Variants in SGTA observed in about 807,000 individuals in gnomAD.
SGTA encodes small glutamine rich tetratricopeptide repeat co-chaperone alpha, also known as small glutamine-rich tetratricopeptide repeat-containing protein alpha.
In SGTA, 22 loss-of-function variants were observed where a neutral mutation model predicts 44.3. The ratio of observed to expected loss-of-function variants is 0.50; its 90% confidence interval spans 0.36 to 0.71. The LOEUF (loss-of-function observed/expected upper bound fraction) is 0.71. Ranked by LOEUF, SGTA falls within the 30% of genes least tolerant of loss-of-function variation. The pLI is 0.00. For synonymous variants in SGTA, 174 were observed against 177.6 expected (o/e 0.98, Z 0.16); for missense variants, 341 against 435.9 (o/e 0.78, Z 1.94).
chr19:2,773,909 A>G (rs1255740927), intron 1 of SGTA, among the ~76,000 whole-genome samples: 1 of 91,328 alleles, frequency 1.1e-5, no homozygotes, highest in Admixed American at 9.3e-5. Context: ...CTCCGAGGGC[A>G]GAGATGGGTG....
At chr19:2,774,684 C>T (rs1178723916) in intron 1 of SGTA, among the ~76,000 whole-genome samples, 4 of 152,116 alleles carry the variant, frequency 2.6e-5, no homozygotes, top group African/African-American at 4.8e-5. Flanking sequence ...TGTAAAATAC[C>T]TGCCCATGAA....
chr19:2,772,852 T>G (rs201507544), intron 1 of SGTA, among the ~76,000 whole-genome samples: 3 of 92,084 alleles, frequency 3.3e-5, no homozygotes, highest in East Asian at 5.8e-4. Flanking sequence ...CAGAGGTGGG[T>G]GACGCGGCCA....
chr19:2,768,232 C>CT (rs1915204791), intron 2 of SGTA, among the ~76,000 whole-genome samples: 2 of 152,132 alleles, frequency 1.3e-5, no homozygotes, highest in South Asian at 4.1e-4. Flanking sequence ...TCCCACCGAG[C>CT]CAGACAACAC....
intron 10 of SGTA, 49 bp downstream of exon 10, chr19:2,757,644 C>T (rs778912561): frequency 7.2e-5 from 107 of 1,482,592 alleles, no homozygotes; most frequent in Non-Finnish European, 9.3e-5. Flanking sequence ...GCCTGCGAGC[C>T]CTGCCCGCCG....
rs796351289 is a variant in SGTA at position 2,755,453 on chromosome 19, C to T, written c.*487G>A. ...GGCCGCAGCTGGCAGTGAGCTCTTC[C>T]GAGCAGGCACAGGGCCGGGGTGGCC... On this transcript the variant is annotated 3_prime_UTR_variant, in exon 12 of 12. Transcript: ENST00000221566. This position sits in a 1 kb window ranked among gnomAD's most constrained non-coding sequence, Gnocchi z 5.2. The T allele has an allele frequency of 4.3e-5, 42 of 987,670 alleles. No individual in the cohort carries two copies. Among genetic ancestry groups the T allele is most frequent in the African/African-American group, 3.3e-4 (19 of 57,444 alleles). 61.2% of individuals were successfully genotyped at this position (987,670 alleles called of 1,614,324 possible).
chr19:2,781,499 T>C (rs1023992375), intron 1 of SGTA, among the ~76,000 whole-genome samples: 5 of 152,158 alleles, frequency 3.3e-5, no homozygotes, highest in African/African-American at 1.2e-4. Context: ...CCTACAAACC[T>C]TCATTCACAA....
At position 2,767,484 on chromosome 19, in the gene SGTA, G is replaced by A. The variant is rs1227084209; in HGVS notation, c.207+96C>T. The A allele has an allele frequency of 2.2e-5, 23 of 1,025,566 alleles. No homozygotes were observed. Among genetic ancestry groups the A allele is most frequent in the Non-Finnish European group, 3.3e-5 (22 of 667,660 alleles). The allele number at this position is 1,025,566 out of a possible 1,614,324, so 63.5% of individuals were successfully genotyped here. A position where few individuals can be genotyped will look rare whatever the true frequency, so the allele number is the denominator to read the frequency against. On this transcript the variant is annotated intron_variant, in intron 3 of 11. Transcript: ENST00000221566. This position sits in a 1 kb window ranked among gnomAD's most constrained non-coding sequence, Gnocchi z 7.3. The stretch of plus-strand genomic sequence containing the variant: ...AGGAGAGGATGCAGGCAGAGTGCTG[G>A]GGGACGATGAGAGCGGGGCTCCTGG...
intron 1 of SGTA, among the ~76,000 whole-genome samples, chr19:2,772,487 C>A (rs1372800866): frequency 6.6e-6 from 1 of 152,232 alleles, no homozygotes. Context: ...GCCCCAGGGA[C>A]CCTCTGCGCG....
At chr19:2,778,415 A>G (rs1915492746) in intron 1 of SGTA, among the ~76,000 whole-genome samples, 1 of 152,048 alleles carries the variant, frequency 6.6e-6, no homozygotes, top group African/African-American at 2.4e-5. Flanking sequence ...GCATTCACTG[A>G]GTCACACTCC....
intron 5 of SGTA, among the ~76,000 whole-genome samples, chr19:2,764,581 C>T (rs954407842): frequency 6.6e-6 from 1 of 151,470 alleles, no homozygotes; most frequent in African/African-American, 2.4e-5. Context: ...TGGTTTTTTT[C>T]GGGGTTTTTT....
At chr19:2,772,696 T>G (rs1422260237) in intron 1 of SGTA, among the ~76,000 whole-genome samples, 1 of 152,174 alleles carries the variant, frequency 6.6e-6, no homozygotes, top group Admixed American at 6.5e-5. Context: ...ACCAATGTCC[T>G]TATAAAAAGG....
rs1025305113 is a variant in SGTA at position 2,765,822 on chromosome 19, C to T, written c.293-537G>A. Among the ~76,000 whole-genome samples, 1 of 152,172 alleles carries T rather than the reference C, an allele frequency of 6.6e-6. No individual in the cohort carries two copies. The highest frequency in any genetic ancestry group is 3.4e-3 in the Middle Eastern group (1 of 294). ...GAAGACAGAAACCCACTCCCGCCCC[C>T]GAGATCCCAATTCAGGAGGGCGTGG... On this transcript the variant is annotated intron_variant, in intron 4 of 11. Transcript: ENST00000221566. The surrounding 1 kb of genome is among the most constrained non-coding windows in gnomAD (Gnocchi z 5.5).
chr19:2,768,861 C>G, intron 2 of SGTA, 108 bp downstream of exon 2: 1 of 817,952 alleles, frequency 1.2e-6, no homozygotes, highest in Non-Finnish European at 2.0e-6. Flanking sequence ...AGCTTCCACC[C>G]CCAAAAAGCC....
chr19:2,755,588 A>G lies in SGTA; in HGVS notation c.*352T>C. On this transcript the variant is annotated 3_prime_UTR_variant, in exon 12 of 12. Coordinates refer to ENST00000221566, the MANE Select transcript of SGTA (RefSeq NM_003021.4). This position sits in a 1 kb window ranked among gnomAD's most constrained non-coding sequence, Gnocchi z 5.2. The stretch of plus-strand genomic sequence containing the variant: ...GGCTTTGGAAGCCACACGATCCGCC[A>G]CACGGCTGAACGTGAAACCTGCCAC... 1.0e-6 allele frequency: 1 copy of G among 985,610 alleles called. No individual in the cohort carries two copies. 61.1% of individuals were successfully genotyped at this position (985,610 alleles called of 1,614,324 possible). A position where few individuals can be genotyped will look rare whatever the true frequency, so the allele number is the denominator to read the frequency against.
intron 2 of SGTA, 89 bp downstream of exon 2, chr19:2,768,880 G>A: frequency 1.1e-6 from 1 of 946,808 alleles, no homozygotes; most frequent in Non-Finnish European, 1.7e-6. Flanking sequence ...CCAGGCGGGG[G>A]ACCAGGCATC....
At chr19:2,780,186 GGTC>G (rs1293093605) in intron 1 of SGTA, among the ~76,000 whole-genome samples, 3 of 152,086 alleles carry the variant, frequency 2.0e-5, no homozygotes, top group African/African-American at 7.2e-5. Context: ...CGTAAACTGA[GGTC>G]GTCTTACCTC....
At chr19:2,780,735 C>T (rs1915554415) in intron 1 of SGTA, among the ~76,000 whole-genome samples, 1 of 152,242 alleles carries the variant, frequency 6.6e-6, no homozygotes, top group Non-Finnish European at 1.5e-5. Context: ...TTCACAGCCA[C>T]ATGGTCACGT....
Position 2,767,831 on chromosome 19 carries a change from T to C in SGTA, c.101-145A>G, listed in dbSNP as rs1301303954. The stretch of plus-strand genomic sequence containing the variant: ...AGAACGCAGGGGCCGCCGCCTGTGC[T>C]CTGGGCTGGGACAGTGGACCCTCTT... On this transcript the variant is annotated intron_variant, in intron 2 of 11. Transcript: ENST00000221566. This position sits in a 1 kb window ranked among gnomAD's most constrained non-coding sequence, Gnocchi z 7.3. 1.5e-6 allele frequency: 1 copy of C among 668,532 alleles called. No individual in the cohort carries two copies. Among genetic ancestry groups the C allele is most frequent in the Non-Finnish European group, 2.7e-6 (1 of 370,690 alleles). The allele number at this position is 668,532 out of a possible 1,614,324, so 41.4% of individuals were successfully genotyped here. A position where few individuals can be genotyped will look rare whatever the true frequency, so the allele number is the denominator to read the frequency against.
chr19:2,771,973 T>C (rs1447468421), intron 1 of SGTA, among the ~76,000 whole-genome samples: 2 of 152,232 alleles, frequency 1.3e-5, no homozygotes, highest in African/African-American at 2.4e-5. Context: ...CTGGTGTCTC[T>C]GAGCAGCTGG....
Sources: allele counts gnomAD v4.1 joint callset (sites outside exome capture counted in the v4.1 genomes callset), GRCh38; gene constraint gnomAD v4.1.1; non-coding constraint Gnocchi (gnomAD v3.1); transcripts MANE v1.5; gene names NCBI Gene and HGNC (gene_info 2026-07-23, HGNC 2026-07-21).